Variants in SORBS2 observed in about 807,000 individuals in gnomAD.
The protein encoded by SORBS2 is sorbin and SH3 domain-containing protein 2.
SORBS2 carries 46 observed loss-of-function variants against 97.7 expected under a neutral mutation model. The observed-to-expected ratio is 0.47, with a 90% CI of 0.37 to 0.60. The LOEUF is 0.60. Among genes scored for constraint, SORBS2 ranks in the 20% least tolerant of loss-of-function variants. The pLI is 0.00. For synonymous variants in SORBS2, 476 were observed against 473.4 expected, an observed-to-expected ratio of 1.01 and a Z score of -0.07; for missense variants, 1,316 against 1,282.3, an observed-to-expected ratio of 1.03 and a Z score of -0.40.
At chr4:185,659,141 T>A (rs1176934459), upstream of SORBS2, among the ~76,000 whole-genome samples, 2 of 152,334 alleles carry the variant, frequency 1.3e-5, no homozygotes, top group Non-Finnish European at 2.9e-5. Flanking sequence ...TTAGTTTGCA[T>A]CAGAAAGTCA....
chr4:185,749,791 G>A (rs2098788552), intron 2 of SORBS2, among the ~76,000 whole-genome samples: 1 of 152,210 alleles, frequency 6.6e-6, no homozygotes, highest in South Asian at 2.1e-4. Flanking sequence ...CAGAAATAGA[G>A]ACCACAGCTC....
At chr4:185,657,364 T>C (rs757783862), upstream of SORBS2, 13 of 1,424,516 alleles carry the variant, frequency 9.1e-6, no homozygotes, top group Non-Finnish European at 1.2e-5. Flanking sequence ...CCGTGGACAA[T>C]CCGTCCTTTG....
intron 12 of SORBS2, among the ~76,000 whole-genome samples, chr4:185,610,212 C>T (rs528429713): frequency 6.6e-6 from 1 of 152,254 alleles, no homozygotes; most frequent in South Asian, 2.1e-4. Flanking sequence ...TACATACATG[C>T]TTTTCTTCCT....
chr4:185,663,848 C>CTTTTTTT lies in SORBS2; in HGVS notation c.-45-1613_-45-1607dup, dbSNP rs56177449. On this transcript the variant is annotated intron_variant, in intron 4 of 20. Transcript: ENST00000284776. ...AGTAAACACTGAGAGTAGATTTATT[C>CTTTTTTT]TTTTTTTTTTTTTTTTTTTTTTTTG... 1.7e-4 allele frequency among the ~76,000 whole-genome samples: 14 copies of CTTTTTTT among 80,982 alleles called. 1 individual carries two copies. Among genetic ancestry groups the CTTTTTTT allele is most frequent in the African/African-American group, 3.7e-4 (8 of 21,570 alleles). 53.1% of individuals were successfully genotyped at this position (80,982 alleles called of 152,430 possible). A position where few individuals can be genotyped will look rare whatever the true frequency, so the allele number is the denominator to read the frequency against.
intron 1 of SORBS2, among the ~76,000 whole-genome samples, chr4:185,835,950 G>C (rs910892249): frequency 6.6e-6 from 1 of 151,834 alleles, no homozygotes; most frequent in Non-Finnish European, 1.5e-5. Context: ...TGCTCTTCTT[G>C]TTCCCAAAAT....
At chr4:185,643,281 G>A (rs1406108027) in intron 4 of SORBS2, among the ~76,000 whole-genome samples, 2 of 152,158 alleles carry the variant, frequency 1.3e-5, no homozygotes, top group Admixed American at 6.5e-5. Flanking sequence ...TTTCCTGGTG[G>A]GGAGGTGCAG....
chr4:185,903,877 A>G (rs1179708413), intron 1 of SORBS2, among the ~76,000 whole-genome samples: 1 of 152,218 alleles, frequency 6.6e-6, no homozygotes, highest in Non-Finnish European at 1.5e-5. Context: ...CATGCAGAGA[A>G]CTACAGGATA....
At chr4:185,662,936 T>C (rs2097542189) in intron 4 of SORBS2, among the ~76,000 whole-genome samples, 1 of 152,224 alleles carries the variant, frequency 6.6e-6, no homozygotes, top group Non-Finnish European at 1.5e-5. Flanking sequence ...ATATCCCCAA[T>C]GGTATCTCAA....
intron 1 of SORBS2, among the ~76,000 whole-genome samples, chr4:185,870,337 G>T (rs1042558013): frequency 5.3e-5 from 8 of 152,312 alleles, no homozygotes; most frequent in African/African-American, 1.7e-4. Flanking sequence ...GACCCAAGGG[G>T]TCGCACAGAA....
intron 1 of SORBS2, among the ~76,000 whole-genome samples, chr4:185,920,954 G>A (rs2099260644): frequency 6.6e-6 from 1 of 152,146 alleles, no homozygotes. Flanking sequence ...CATCATGAGG[G>A]TTTGAGTAGC....
chr4:185,694,064 A>G (rs2098135851), intron 2 of SORBS2, among the ~76,000 whole-genome samples: 1 of 152,256 alleles, frequency 6.6e-6, no homozygotes, highest in Admixed American at 6.5e-5. Flanking sequence ...TGAGCTCTCA[A>G]GAAGAACCTG....
At chr4:185,655,816 A>T (rs1467594818) in intron 1 of SORBS2, among the ~76,000 whole-genome samples, 2 of 152,328 alleles carry the variant, frequency 1.3e-5, no homozygotes, top group East Asian at 3.9e-4. Context: ...CTTATAAAGG[A>T]AGAAAACATG....
intron 1 of SORBS2, among the ~76,000 whole-genome samples, chr4:185,808,323 C>A (rs59015236): frequency 0.037 from 5,697 of 152,124 alleles, 296 homozygotes; most frequent in African/African-American, 0.11. Flanking sequence ...ATCAATTCTA[C>A]TTTATATACA....
chr4:185,649,266 G>T (rs1240775861), intron 3 of SORBS2, among the ~76,000 whole-genome samples: 7 of 152,096 alleles, frequency 4.6e-5, no homozygotes, highest in African/African-American at 1.7e-4. Context: ...CTAATTTAGG[G>T]CACTCCAGTA....
intron 2 of SORBS2, chr4:185,757,054 G>A (rs1020925982): frequency 5.9e-5 from 46 of 774,488 alleles, no homozygotes; most frequent in Non-Finnish European, 9.7e-5. Context: ...AACTTCGCAG[G>A]CTTCCATTTT....
At chr4:185,655,529 A>G (rs938237562) in intron 1 of SORBS2, among the ~76,000 whole-genome samples, 1 of 152,214 alleles carries the variant, frequency 6.6e-6, no homozygotes, top group Non-Finnish European at 1.5e-5. Context: ...GTCAAGTTTT[A>G]AAGGTCCAAG....
In SORBS2 at chr4:185,764,602, T is replaced by G. The variant is rs80175134; in HGVS notation, c.-198+10625A>C. Among the ~76,000 whole-genome samples the G allele has an allele frequency of 1.1e-3, 169 of 152,324 alleles. 4 individuals carry two copies. The East Asian group carries it at 0.031, about 28-fold the overall frequency. Reference sequence around the variant, plus strand: ...TGATAAATTTTCAGAAAATTTGGGCTGCTTTAAGTAATGTATTTATGTTTT... The same window carrying G: ...TGATAAATTTTCAGAAAATTTGGGCGGCTTTAAGTAATGTATTTATGTTTT... On this transcript the variant is annotated intron_variant, in intron 2 of 20. Transcript: ENST00000284776.
In SORBS2 at chr4:185,624,512, C is replaced by T; in HGVS notation, c.635-18G>A. 1 of 1,581,564 alleles carries T rather than the reference C, an allele frequency of 6.3e-7. No individual in the cohort carries two copies. The highest frequency in any genetic ancestry group is 8.6e-7 in the Non-Finnish European group (1 of 1,165,798). On this transcript the variant is annotated intron_variant, in intron 6 of 14. Transcript: ENST00000418609. ...ATCCCCACCTTTTAATCCAGAGCAG[C>T]GTGGTAGAAGAGAGACATTTGGAGA...
At chr4:185,826,284 G>C (rs1440015402) in intron 1 of SORBS2, among the ~76,000 whole-genome samples, 2 of 152,088 alleles carry the variant, frequency 1.3e-5, no homozygotes, top group Admixed American at 6.5e-5. Context: ...TTTTCACTCA[G>C]AGTGGCCCCT....
Sources: allele counts gnomAD v4.1 joint callset (sites outside exome capture counted in the v4.1 genomes callset), GRCh38; gene constraint gnomAD v4.1.1; transcripts MANE v1.5; gene names NCBI Gene and HGNC (gene_info 2026-07-23, HGNC 2026-07-21).